TRPM6: variants seen among roughly 807,000 people sequenced by gnomAD.
TRPM6 encodes the protein channel kinase 2.
A neutral mutation model predicts 247.6 loss-of-function variants in TRPM6; 111 were observed. The observed-to-expected ratio is 0.45, with a 90% CI of 0.38 to 0.52. TRPM6 has a LOEUF of 0.52. Ranked by LOEUF, TRPM6 falls within the 20% of genes least tolerant of loss-of-function variation. The probability of loss-of-function intolerance (pLI) is 0.00; values close to 1 mark genes in which losing one functional copy is unlikely to be tolerated. For synonymous variants in TRPM6, 892 were observed against 853.8 expected (o/e 1.04, Z -0.78); for missense variants, 2,126 against 2,421.5 (o/e 0.88, Z 2.56).
rs373673265 is a variant in TRPM6, at chr9:74,844,859, TA to T, written c.153-2517del. On this transcript the variant is annotated intron_variant, in intron 3 of 38. Transcript: ENST00000360774. Reference sequence around the variant, plus strand: ...GCTTAATTATTTCTAGCTTTTGATTTAAACTGAGATATGCAAGACTCTTTAT... The same window carrying T: ...GCTTAATTATTTCTAGCTTTTGATTTAACTGAGATATGCAAGACTCTTTAT... Among the ~76,000 whole-genome samples, 961 of 152,330 alleles carry T rather than the reference TA, an allele frequency of 6.3e-3. 11 individuals carry two copies. The highest frequency in any genetic ancestry group is 0.022 in the African/African-American group (931 of 41,560).
rs779198277 is a variant in TRPM6 at position 74,821,830 on chromosome 9, T to C, written c.849A>G (p.Arg283=). The change falls in exon 8 of 39, where the codon AGA becomes AGG. Residue 283 remains arginine, a synonymous_variant. Transcript: ENST00000360774. Reference sequence around the variant, plus strand: ...CCAGCCCCACGACCGGCACGCCTTGTCTTGAGCCTATTCCAGACCACAAAC... The same window carrying C: ...CCAGCCCCACGACCGGCACGCCTTGCCTTGAGCCTATTCCAGACCACAAAC... The part of the protein sequence containing the change: ...LSLQKIHCRS[R]QGVPVVGLVV... The C allele has an allele frequency of 6.2e-7, 1 of 1,614,098 alleles. No homozygotes were observed. Among genetic ancestry groups the C allele is most frequent in the South Asian group, 1.1e-5 (1 of 91,080 alleles).
chr9:74,764,860 C>T (rs1826774237), intron 25 of TRPM6, among the ~76,000 whole-genome samples: 2 of 152,008 alleles, frequency 1.3e-5, no homozygotes, highest in Admixed American at 1.3e-4. Flanking sequence ...AAAAAAATTA[C>T]AAAGACTCCC....
At chr9:74,776,112 T>C (rs766950413) in intron 23 of TRPM6, 36 bp from the exon 24 acceptor site, 9 of 1,562,478 alleles carry the variant, frequency 5.8e-6, no homozygotes, top group South Asian at 4.5e-5. Flanking sequence ...AATGTTTTAA[T>C]ATGAAGTCTT....
intron 9 of TRPM6, among the ~76,000 whole-genome samples, chr9:74,817,733 C>CA (rs906339969): frequency 2.0e-4 from 17 of 86,948 alleles, no homozygotes; most frequent in South Asian, 9.2e-4. Flanking sequence ...TTTGTTGCTT[C>CA]AAAAAAAGGG....
chr9:74,811,870 T>G (rs1271393261), intron 12 of TRPM6, among the ~76,000 whole-genome samples: 5 of 152,192 alleles, frequency 3.3e-5, no homozygotes, highest in African/African-American at 1.2e-4. Flanking sequence ...GAACGTTTTA[T>G]TAGAAGGAAA....
At chr9:74,860,353 TA>T (rs1564054924) in intron 1 of TRPM6, among the ~76,000 whole-genome samples, 1 of 152,084 alleles carries the variant, frequency 6.6e-6, no homozygotes, top group Non-Finnish European at 1.5e-5. Context: ...TTTATTTTTT[TA>T]TTTTTTTTGA....
Position 74,858,760 on chromosome 9 carries a change from G to A in TRPM6, c.34-12C>T, listed in dbSNP as rs776483035. 1.9e-6 allele frequency: 3 copies of A among 1,599,620 alleles called. No homozygotes were observed. The highest frequency in any genetic ancestry group is 2.6e-6 in the Non-Finnish European group (3 of 1,167,540). ...CAGGATTTCTGGGACTAAAAAGAAAGTGTCATTATTTTATACTCTAATTAT... is the reference window on the plus strand; with the variant it reads ...CAGGATTTCTGGGACTAAAAAGAAAATGTCATTATTTTATACTCTAATTAT... On this transcript the variant is annotated splice_polypyrimidine_tract_variant and intron_variant, in intron 1 of 38. Transcript: ENST00000360774.
chr9:74,752,472 T>C (rs1030678472), intron 28 of TRPM6, 104 bp from the exon 29 acceptor site: 8 of 687,404 alleles, frequency 1.2e-5, no homozygotes, highest in Admixed American at 5.1e-5. Flanking sequence ...TCATTTAAAC[T>C]TGGATATAGT....
At chr9:74,788,573 G>A (rs911125355) in intron 20 of TRPM6, 41 bp downstream of exon 20, 1 of 1,612,070 alleles carries the variant, frequency 6.2e-7, no homozygotes, top group Admixed American at 1.7e-5. Context: ...TACAGAAGCT[G>A]AGGACATATG....
intron 5 of TRPM6, among the ~76,000 whole-genome samples, chr9:74,834,849 G>C (rs919768973): frequency 1.3e-5 from 2 of 152,102 alleles, no homozygotes; most frequent in Non-Finnish European, 2.9e-5. Flanking sequence ...ATGGACATTT[G>C]AGTTGGTTCC....
intron 21 of TRPM6, among the ~76,000 whole-genome samples, chr9:74,785,138 G>A (rs933580833): frequency 2.0e-5 from 3 of 151,936 alleles, no homozygotes; most frequent in African/African-American, 4.8e-5. Context: ...TAATAATTTC[G>A]AAAGTTAAAC....
chr9:74,743,053 G>A (rs1825913754), intron 32 of TRPM6, among the ~76,000 whole-genome samples: 1 of 152,282 alleles, frequency 6.6e-6, no homozygotes, highest in South Asian at 2.1e-4. Flanking sequence ...AGAGAGAGCC[G>A]AAGACCGATT....
rs757513681 is a variant in TRPM6 at position 74,724,653 on chromosome 9, T to C, written c.6029A>G (p.Glu2010Gly). 1 of 1,614,214 alleles carries C rather than the reference T, an allele frequency of 6.2e-7. No individual in the cohort carries two copies. The highest frequency in any genetic ancestry group is 8.5e-7 in the Non-Finnish European group (1 of 1,180,032). Residue 2010 changes from glutamate to glycine, a missense_variant, in exon 39 of 39, where the codon GAG becomes GGG. Physicochemically the swap from Glu to Gly is moderately conservative, Grantham distance 98. Transcript: ENST00000360774. ...IESAEEPPAR[E>G]TGRNSPEDDM... is the part of the protein sequence containing the mutation. Reference sequence around the variant, plus strand: ...ATCTTCTGGGGAATTTCTACCCGTCTCCCTTGCTGGAGGCTCCTCAGCTGA... The same window carrying C: ...ATCTTCTGGGGAATTTCTACCCGTCCCCCTTGCTGGAGGCTCCTCAGCTGA...
At position 74,724,572 on chromosome 9, in the gene TRPM6, G is replaced by A. The variant is rs189939361; in HGVS notation, c.*41C>T. 2.3e-4 allele frequency: 370 copies of A among 1,613,626 alleles called. 1 individual carries two copies. The highest frequency in any genetic ancestry group is 3.0e-4 in the Non-Finnish European group (352 of 1,179,820). Reference sequence around the variant, plus strand: ...AATCTATGTTATCACAGAGTTCCTGGCAGGCAGGGCAAGCACTGGGATCTT... The same window carrying A: ...AATCTATGTTATCACAGAGTTCCTGACAGGCAGGGCAAGCACTGGGATCTT... On this transcript the variant is annotated 3_prime_UTR_variant, in exon 39 of 39. Coordinates refer to ENST00000360774, the MANE Select transcript of TRPM6 (RefSeq NM_017662.5).
At position 74,760,314 on chromosome 9, in the gene TRPM6, T is replaced by C. The variant is rs147887721; in HGVS notation, c.4785+1382A>G. Among the ~76,000 whole-genome samples the C allele has an allele frequency of 7.5e-4, 115 of 152,324 alleles. 1 individual carries two copies. The highest frequency in any genetic ancestry group is 2.7e-3 in the African/African-American group (112 of 41,572). On this transcript the variant is annotated intron_variant, in intron 27 of 38. Coordinates refer to ENST00000360774, the MANE Select transcript of TRPM6 (RefSeq NM_017662.5). ...ACTGTACTTTTACTGACCCTTTCTA[T>C]GTTTAGATATGCTTAGATACACAAA...
At chr9:74,853,001 G>T (rs1028040447) in intron 3 of TRPM6, among the ~76,000 whole-genome samples, 1 of 151,956 alleles carries the variant, frequency 6.6e-6, no homozygotes, top group African/African-American at 2.4e-5. Flanking sequence ...AGTCTGGGAA[G>T]TGAGGAGCGT....
At chr9:74,886,540 C>G (rs976638010) in intron 1 of TRPM6, among the ~76,000 whole-genome samples, 10 of 149,808 alleles carry the variant, frequency 6.7e-5, no homozygotes, top group Admixed American at 1.3e-4. Flanking sequence ...TTTATGTTCT[C>G]CGTGTCTTAA....
At chr9:74,868,146 CAAAA>C (rs796635861) in intron 1 of TRPM6, among the ~76,000 whole-genome samples, 2 of 85,828 alleles carry the variant, frequency 2.3e-5, no homozygotes, top group Admixed American at 1.2e-4. Flanking sequence ...CGAGACTCCG[CAAAA>C]AAAAAAAAAA....
chr9:74,858,113 G>A (rs559383458), intron 2 of TRPM6, among the ~76,000 whole-genome samples: 11 of 152,248 alleles, frequency 7.2e-5, no homozygotes, highest in South Asian at 6.2e-4. Flanking sequence ...GATATTTATC[G>A]CTCGGTGGCT....
Sources: gnomAD v4.1 joint callset for allele counts (sites outside exome capture counted in the v4.1 genomes callset) on GRCh38, gnomAD v4.1.1 for gene constraint, MANE v1.5 for transcripts, NCBI Gene and HGNC (gene_info 2026-07-23, HGNC 2026-07-21) for gene names.